GPCPD1: variants seen among roughly 807,000 people sequenced by gnomAD.
The protein encoded by GPCPD1 is glycerophosphocholine phosphodiesterase GPCPD1.
GPCPD1 carries 29 observed loss-of-function variants against 89.2 expected under a neutral mutation model. The observed-to-expected ratio is 0.33, with a 90% confidence interval of 0.24 to 0.44. GPCPD1 has a LOEUF of 0.44. Ranked by LOEUF, GPCPD1 falls within the 20% of genes least tolerant of loss-of-function variation. GPCPD1 has a pLI of 1.00. For synonymous variants in GPCPD1, 258 were observed against 266.3 expected, an observed-to-expected ratio of 0.97 and a Z score of 0.30; for missense variants, 594 against 808.9, an observed-to-expected ratio of 0.73 and a Z score of 3.22.
intron 19 of GPCPD1, among the ~76,000 whole-genome samples, chr20:5,555,623 C>T (rs1214230999): frequency 6.6e-6 from 1 of 152,184 alleles, no homozygotes; most frequent in Non-Finnish European, 1.5e-5. Flanking sequence ...CTTTGGGAGG[C>T]CAAGGCGGGT....
At chr20:5,601,961 G>T (rs532229850) in intron 2 of GPCPD1, among the ~76,000 whole-genome samples, 1 of 152,282 alleles carries the variant, frequency 6.6e-6, no homozygotes, top group African/African-American at 2.4e-5. Context: ...AGTTATAAAA[G>T]ATTATGAAGA....
At chr20:5,582,146 A>G (rs1309326209) in intron 6 of GPCPD1, among the ~76,000 whole-genome samples, 1 of 125,754 alleles carries the variant, frequency 8.0e-6, no homozygotes, top group Non-Finnish European at 1.6e-5. Context: ...AGATCGCGCC[A>G]CTGCACTCCA....
chr20:5,609,939 A>G (rs750400368), intron 1 of GPCPD1, among the ~76,000 whole-genome samples: 4 of 152,030 alleles, frequency 2.6e-5, no homozygotes, highest in African/African-American at 4.8e-5. Flanking sequence ...ATGACGGGGT[A>G]GAGTAGTGGG....
chr20:5,547,962 C>G (rs1237791020), intron 19 of GPCPD1, 112 bp from the exon 20 acceptor site: 1 of 554,004 alleles, frequency 1.8e-6, no homozygotes, highest in Non-Finnish European at 3.2e-6. Context: ...CCTGGAACAT[C>G]CACATCAGAG....
intron 19 of GPCPD1, among the ~76,000 whole-genome samples, chr20:5,554,225 C>T: frequency 1.1e-5 from 1 of 87,366 alleles, no homozygotes; most frequent in Non-Finnish European, 2.3e-5. Flanking sequence ...ACCTTGTGAT[C>T]CGCTCACCTC....
At chr20:5,558,927 G>A (rs1985929229) in intron 17 of GPCPD1, 108 bp from the exon 18 acceptor site, 11 of 792,168 alleles carry the variant, frequency 1.4e-5, no homozygotes, top group South Asian at 4.0e-5. Context: ...ACGAGGCCGG[G>A]CATGGTGGCT....
At chr20:5,580,905 G>A (rs1324036498) in intron 6 of GPCPD1, among the ~76,000 whole-genome samples, 1 of 145,502 alleles carries the variant, frequency 6.9e-6, no homozygotes, top group African/African-American at 2.5e-5. Flanking sequence ...ATAGAGTCTT[G>A]CTCTGTTGCC....
intron 6 of GPCPD1, among the ~76,000 whole-genome samples, chr20:5,582,104 T>C (rs1321990147): frequency 1.8e-4 from 25 of 135,896 alleles, no homozygotes; most frequent in African/African-American, 6.7e-4. Flanking sequence ...GAGAATGGCG[T>C]GAACCCGGGA....
At chr20:5,549,510 T>C in intron 19 of GPCPD1, 2 of 1,118,400 alleles carry the variant, frequency 1.8e-6, no homozygotes, top group Non-Finnish European at 2.6e-6. Flanking sequence ...TTCTTCTGAG[T>C]ATTCTCATAA....
At chr20:5,559,581 A>C (rs1985973430) in intron 17 of GPCPD1, among the ~76,000 whole-genome samples, 1 of 73,650 alleles carries the variant, frequency 1.4e-5, no homozygotes, top group Non-Finnish European at 2.6e-5. Flanking sequence ...CTGTCTCAAA[A>C]ACAATTTTTT....
In GPCPD1 at chr20:5,546,276, T is replaced by G. The variant is rs1163614200; in HGVS notation, c.*1385A>C. The G allele has an allele frequency of 9.2e-5, 14 of 152,232 alleles. No individual in the cohort carries two copies. The highest frequency in any genetic ancestry group is 5.9e-5 in the Non-Finnish European group (4 of 68,046). The allele number at this position is 152,232 out of a possible 1,614,324, so 9.4% of individuals were successfully genotyped here. On this transcript the variant is annotated 3_prime_UTR_variant, in exon 20 of 20. Coordinates refer to ENST00000379019, the MANE Select transcript of GPCPD1 (RefSeq NM_019593.5). ...TTAAAAAATACTACACAATGTATAA[T>G]TTCAAGTCTTAGGTTCTCAGCTACT...
At chr20:5,565,624 A>C (rs1986357645) in intron 14 of GPCPD1, among the ~76,000 whole-genome samples, 1 of 152,224 alleles carries the variant, frequency 6.6e-6, no homozygotes, top group Non-Finnish European at 1.5e-5. Flanking sequence ...GCAACGATTA[A>C]TAGACACCAG....
intron 3 of GPCPD1, among the ~76,000 whole-genome samples, chr20:5,595,948 C>T (rs1979693580): frequency 1.3e-5 from 2 of 152,128 alleles, no homozygotes; most frequent in South Asian, 2.1e-4. Flanking sequence ...CATTATTTCT[C>T]AATCTCCAGG....
In GPCPD1 at chr20:5,561,506, C is replaced by T. The variant is rs1568647340; in HGVS notation, c.1354G>A (p.Val452Ile). 3 of 1,601,392 alleles carry T rather than the reference C, an allele frequency of 1.9e-6. No homozygotes were observed. Among genetic ancestry groups the T allele is most frequent in the Admixed American group, 1.7e-5 (1 of 59,804 alleles). ...CATTTTATTTCAATGTTAAACCCTA[C>T]ATCTTCTGGCAAAGACTCTAAAACC... ...KMVLESLPED[V>I]GFNIEIKWIC... is the part of the protein sequence containing the mutation. The change falls in exon 16 of 20, where the codon GTA (valine) becomes ATA (isoleucine). Residue 452 changes from valine to isoleucine, a missense_variant. By Grantham distance (29) the Val-to-Ile change is conservative. Transcript: ENST00000379019.
intron 4 of GPCPD1, among the ~76,000 whole-genome samples, chr20:5,591,967 A>T (rs912892828): frequency 1.3e-5 from 2 of 152,234 alleles, no homozygotes; most frequent in Non-Finnish European, 2.9e-5. Flanking sequence ...TTTTACTGTT[A>T]AGCAGACTTC....
At chr20:5,553,657 T>C (rs1468770939) in intron 19 of GPCPD1, among the ~76,000 whole-genome samples, 1 of 152,214 alleles carries the variant, frequency 6.6e-6, no homozygotes, top group Non-Finnish European at 1.5e-5. Flanking sequence ...AGCAGCCTTA[T>C]TGCTGATAAG....
In GPCPD1 at chr20:5,547,961, T is replaced by C. The variant is rs1985125445; in HGVS notation, c.1830-111A>G. On this transcript the variant is annotated intron_variant, in intron 19 of 19. Coordinates refer to ENST00000379019, the MANE Select transcript of GPCPD1 (RefSeq NM_019593.5). The stretch of plus-strand genomic sequence containing the variant: ...ATTCATTTACAGAATGCCTGGAACA[T>C]CCACATCAGAGTTTTTGTTTTGTTT... 5 of 558,600 alleles carry C rather than the reference T, an allele frequency of 9.0e-6. No individual in the cohort carries two copies. The Admixed American group carries it at 9.0e-5, about 10-fold the overall frequency. 34.6% of individuals were successfully genotyped at this position (558,600 alleles called of 1,614,324 possible).
chr20:5,589,428 A>AGGCTGTAGAGT lies in GPCPD1; in HGVS notation c.232-3160_232-3159insACTCTACAGCC, dbSNP rs1368068496. Reference sequence around the variant, plus strand: ...GGAGTTAGAGAACAGCCTGACCAACATAGAGAAACCTCATCTCTACTAAAA... The same window carrying AGGCTGTAGAGT: ...GGAGTTAGAGAACAGCCTGACCAACAGGCTGTAGAGTTAGAGAAACCTCATCTCTACTAAAA... On this transcript the variant is annotated intron_variant, in intron 4 of 19. Coordinates refer to ENST00000379019, the MANE Select transcript of GPCPD1 (RefSeq NM_019593.5). 5.3e-5 allele frequency among the ~76,000 whole-genome samples: 8 copies of AGGCTGTAGAGT among 152,192 alleles called. No individual in the cohort carries two copies. The East Asian group carries it at 1.5e-3, about 29-fold the overall frequency.
Position 5,557,557 on chromosome 20 carries a change from A to G in GPCPD1, c.1829+388T>C, listed in dbSNP as rs553521887. On this transcript the variant is annotated intron_variant, in intron 19 of 19. Transcript: ENST00000379019. ...GAACAGGTGTCAGTACCTGGAAATAAAAGTCTACAGAGGTCTAGGGAAGGG... is the reference window on the plus strand; with the variant it reads ...GAACAGGTGTCAGTACCTGGAAATAGAAGTCTACAGAGGTCTAGGGAAGGG... Among the ~76,000 whole-genome samples the G allele has an allele frequency of 1.2e-3, 186 of 152,324 alleles. 1 individual carries two copies. The highest frequency in any genetic ancestry group is 4.3e-3 in the African/African-American group (177 of 41,566).
Sources: gnomAD v4.1 joint callset for allele counts (sites outside exome capture counted in the v4.1 genomes callset) on GRCh38, gnomAD v4.1.1 for gene constraint, MANE v1.5 for transcripts, NCBI Gene and HGNC (gene_info 2026-07-23, HGNC 2026-07-21) for gene names.